The following CCS variants were observed in gnomAD, a reference collection of about 807,000 sequenced individuals.
CCS encodes the protein copper chaperone for superoxide dismutase.
CCS carries 32 observed loss-of-function variants against 35.5 expected under a neutral mutation model. The ratio of observed to expected loss-of-function variants is 0.90; its 90% confidence interval spans 0.68 to 1.21. The LOEUF (loss-of-function observed/expected upper bound fraction) is 1.21. Ranked by LOEUF, CCS falls within the 50% of genes most tolerant of loss-of-function variation. The probability of loss-of-function intolerance (pLI) is 0.00; values close to 1 mark genes in which losing one functional copy is unlikely to be tolerated. For synonymous variants in CCS, 130 were observed against 147.2 expected (o/e 0.88, Z 0.84); for missense variants, 342 against 375.4 (o/e 0.91, Z 0.73).
At chr11:66,599,708 T>G in intron 4 of CCS, 72 bp downstream of exon 4, 2 of 1,381,700 alleles carry the variant, frequency 1.4e-6, no homozygotes, top group Non-Finnish European at 2.0e-6. Context: ...ACCAATACTC[T>G]GTGAGGCACA....
chr11:66,595,920 G>A (rs1858468993), intron 2 of CCS, among the ~76,000 whole-genome samples: 1 of 152,160 alleles, frequency 6.6e-6, no homozygotes, highest in Non-Finnish European at 1.5e-5. Flanking sequence ...CCTATGCTGA[G>A]GCCTGTCATC....
intron 5 of CCS, among the ~76,000 whole-genome samples, chr11:66,602,422 C>T (rs1858585792): frequency 6.6e-6 from 1 of 152,140 alleles, no homozygotes; most frequent in African/African-American, 2.4e-5. Flanking sequence ...AACAACACGG[C>T]AGTTGGCTTC....
chr11:66,597,636 C>T (rs1373050712), intron 2 of CCS, among the ~76,000 whole-genome samples: 1 of 151,102 alleles, frequency 6.6e-6, no homozygotes, highest in Non-Finnish European at 1.5e-5. Context: ...CCTGTAGTCC[C>T]TGCTACTCGG....
chr11:66,604,052 A>AAATTAATTAATT (rs1328174931), intron 5 of CCS, among the ~76,000 whole-genome samples: 1 of 138,080 alleles, frequency 7.2e-6, no homozygotes, highest in African/African-American at 2.7e-5. Flanking sequence ...ATAAATAAAT[A>AAATTAATTAATT]AATTAATTAA....
intron 5 of CCS, among the ~76,000 whole-genome samples, chr11:66,602,464 T>C (rs1175918094): frequency 6.6e-6 from 1 of 151,994 alleles, no homozygotes; most frequent in African/African-American, 2.4e-5. Flanking sequence ...GAGAGAGAGA[T>C]TGAGATTGAG....
At chr11:66,599,282 C>G (rs1858532613) in intron 3 of CCS, 29 bp downstream of exon 3, 1 of 1,560,572 alleles carries the variant, frequency 6.4e-7, no homozygotes, top group Non-Finnish European at 8.6e-7. Flanking sequence ...CTTGGCCCCT[C>G]TCGGAGGGAG....
At chr11:66,599,731 C>A in intron 4 of CCS, 95 bp downstream of exon 4, 1 of 1,181,034 alleles carries the variant, frequency 8.5e-7, no homozygotes, top group Non-Finnish European at 1.2e-6. Context: ...CACACAGGCA[C>A]AACCTCCAGA....
At chr11:66,600,752 G>A (rs1361486229) in intron 5 of CCS, among the ~76,000 whole-genome samples, 1 of 152,170 alleles carries the variant, frequency 6.6e-6, no homozygotes, top group East Asian at 1.9e-4. Context: ...CAGCCCCAGT[G>A]CCTGACCCAA....
At chr11:66,605,206 G>A (rs749414533) in intron 5 of CCS, 133 bp from the exon 6 acceptor site, 37 of 1,541,450 alleles carry the variant, frequency 2.4e-5, no homozygotes, top group South Asian at 8.4e-5. Context: ...CAGATCCTAC[G>A]AGACTGGTAC....
Position 66,600,509 on chromosome 11 carries a change from C to A in CCS, c.449C>A (p.Pro150His). The A allele has an allele frequency of 6.5e-7, 1 of 1,542,926 alleles. No homozygotes were observed. Among genetic ancestry groups the A allele is most frequent in the Non-Finnish European group, 8.8e-7 (1 of 1,140,872 alleles). Reference sequence around the variant, plus strand: ...CTTAGCTGTGGGAATCACTTTAACCCTGATGGAGCATCTCATGGGGGCCCC... The same window carrying A: ...CTTAGCTGTGGGAATCACTTTAACCATGATGGAGCATCTCATGGGGGCCCC... ...NCNSCGNHFN[P>H]DGASHGGPQD... is the part of the protein sequence containing the mutation. Residue 150 changes from proline (P) to histidine (H), a missense_variant, in exon 5 of 8, where the codon CCT becomes CAT. Pro to His is a moderately conservative substitution (Grantham distance 77). Coordinates refer to ENST00000533244, the MANE Select transcript of CCS (RefSeq NM_005125.2).
intron 2 of CCS, among the ~76,000 whole-genome samples, chr11:66,594,813 C>G (rs1245958397): frequency 6.6e-6 from 1 of 151,028 alleles, no homozygotes; most frequent in African/African-American, 2.4e-5. Context: ...CCCAGTCATT[C>G]GGCAGGTATG....
rs776919671 is a variant in CCS at position 66,599,485 on chromosome 11, CT to C, written c.278del (p.Leu93ArgfsTer16). On this transcript the variant is annotated frameshift_variant, in exon 4 of 8. Coordinates refer to ENST00000533244, the MANE Select transcript of CCS (RefSeq NM_005125.2). LOFTEE classifies it high-confidence loss of function. ...GAATCTGGGGGCAGCAGTGGCCATCCTGGGGGGGCCTGGCACCGTGCAGGGG... is the reference window on the plus strand; with the variant it reads ...GAATCTGGGGGCAGCAGTGGCCATCCGGGGGGGCCTGGCACCGTGCAGGGG... ...LQNLGAAVAI[L>X]GGPGTVQGVV... The C allele has an allele frequency of 2.4e-5, 37 of 1,547,166 alleles. 1 individual carries two copies. The highest frequency in any genetic ancestry group is 2.1e-4 in the South Asian group (17 of 81,406).
At chr11:66,597,584 T>C (rs1254121945) in intron 2 of CCS, among the ~76,000 whole-genome samples, 13 of 139,318 alleles carry the variant, frequency 9.3e-5, no homozygotes, top group South Asian at 2.3e-4. Flanking sequence ...AACCCCGTCT[T>C]TACTAAAAAT....
chr11:66,594,194 T>TA (rs1858433522), intron 2 of CCS, among the ~76,000 whole-genome samples: 1 of 151,576 alleles, frequency 6.6e-6, no homozygotes, highest in South Asian at 2.1e-4. Flanking sequence ...CTGTCTCTAC[T>TA]AAAAAATACA....
chr11:66,605,096 T>C (rs1452458011), intron 5 of CCS: 1 of 1,477,032 alleles, frequency 6.8e-7, no homozygotes, highest in African/African-American at 1.4e-5. Flanking sequence ...AGGATTTCAG[T>C]TCCAGGGAGG....
In CCS at chr11:66,599,460, G is replaced by T. The variant is rs1369482120; in HGVS notation, c.252G>T (p.Gln84His). Reference sequence around the variant, plus strand: ...GCCCAAGTGTCTAATACCTTGCAGAGAATCTGGGGGCAGCAGTGGCCATCC... The same window carrying T: ...GCCCAAGTGTCTAATACCTTGCAGATAATCTGGGGGCAGCAGTGGCCATCC... ...VLKGMGSGQL[Q>H]NLGAAVAILG... Residue 84 changes from glutamine (Q) to histidine (H), a missense_variant and splice_region_variant, in exon 4 of 8, where the codon CAG becomes CAT. Gln to His is a conservative substitution (Grantham distance 24, BLOSUM62 0). Coordinates refer to ENST00000533244, the MANE Select transcript of CCS (RefSeq NM_005125.2). The T allele has an allele frequency of 6.5e-7, 1 of 1,529,678 alleles. No individual in the cohort carries two copies. Among genetic ancestry groups the T allele is most frequent in the African/African-American group, 1.4e-5 (1 of 71,310 alleles). The allele number at this position is 1,529,678 out of a possible 1,614,324, so 94.8% of individuals were successfully genotyped here.
intron 1 of CCS, 55 bp from the exon 2 acceptor site, chr11:66,593,587 G>A (rs1858420729): frequency 6.3e-7 from 1 of 1,581,022 alleles, no homozygotes; most frequent in African/African-American, 1.3e-5. Context: ...GTGAAACAAA[G>A]TCATACCAAG....
At chr11:66,596,448 C>T (rs1005295636) in intron 2 of CCS, among the ~76,000 whole-genome samples, 4 of 150,632 alleles carry the variant, frequency 2.7e-5, no homozygotes, top group African/African-American at 4.9e-5. Flanking sequence ...GGCGCAATCT[C>T]GGCTCACTGC....
At chr11:66,594,444 A>T (rs1251643305) in intron 2 of CCS, among the ~76,000 whole-genome samples, 1 of 152,072 alleles carries the variant, frequency 6.6e-6, no homozygotes, top group Non-Finnish European at 1.5e-5. Context: ...TAGAGCCACC[A>T]GCATGGCTCT....
Sources: allele counts gnomAD v4.1 joint callset (sites outside exome capture counted in the v4.1 genomes callset), GRCh38; gene constraint gnomAD v4.1.1; transcripts MANE v1.5; gene names NCBI Gene and HGNC (gene_info 2026-07-23, HGNC 2026-07-21).